ADGRD1: variants seen among roughly 807,000 people sequenced by gnomAD.
ADGRD1 encodes adhesion G protein-coupled receptor D1, also known as G-protein coupled receptor 133.
In ADGRD1, 77 loss-of-function variants were observed where a neutral mutation model predicts 113.4. The ratio of observed to expected loss-of-function variants is 0.68; its 90% CI spans 0.57 to 0.82. The LOEUF is 0.82. Ranked by LOEUF, ADGRD1 falls within the 40% of genes least tolerant of loss-of-function variation. The pLI, the probability that ADGRD1 is intolerant of heterozygous loss-of-function variation, is 0.00. For missense variants in ADGRD1, 1,036 were observed against 1,139.1 expected (o/e 0.91, Z 1.30); for synonymous variants, 474 against 475.0 (o/e 1.00, Z 0.03).
At position 131,057,180 on chromosome 12, in the gene ADGRD1, G is replaced by C. The variant is rs1883939739; in HGVS notation, c.1474-19621G>C. 6.6e-6 allele frequency among the ~76,000 whole-genome samples: 1 copy of C among 152,200 alleles called. No individual in the cohort carries two copies. The highest frequency in any genetic ancestry group is 2.1e-4 in the South Asian group (1 of 4,830). On this transcript the variant is annotated intron_variant, in intron 13 of 24. Coordinates refer to ENST00000261654, the MANE Select transcript of ADGRD1 (RefSeq NM_198827.5). The surrounding 1 kb of genome is among the most constrained non-coding windows in gnomAD (Gnocchi z 4.2). ...AATAATCACAGGCTACCCCCGCTGT[G>C]ATAAACAGGTTTGAAGAACTGCACG...
chr12:131,049,107 C>T (rs1253296691), intron 13 of ADGRD1, among the ~76,000 whole-genome samples: 2 of 152,250 alleles, frequency 1.3e-5, no homozygotes, highest in East Asian at 1.9e-4. Context: ...CACTCTGGAG[C>T]TGGACCCTCA....
chr12:131,105,744 C>T lies in ADGRD1; in HGVS notation c.1776-10C>T, dbSNP rs1474384277. 6.3e-7 allele frequency: 1 copy of T among 1,597,978 alleles called. No homozygotes were observed. Among genetic ancestry groups the T allele is most frequent in the Admixed American group, 1.7e-5 (1 of 59,906 alleles). On this transcript the variant is annotated splice_polypyrimidine_tract_variant and intron_variant, in intron 16 of 24. Coordinates refer to ENST00000261654, the MANE Select transcript of ADGRD1 (RefSeq NM_198827.5). ...AGGGCCCAGGCCTCACACCCTGCCT[C>T]TGTCCTCAGCTCCGTGAGCACCATC...
rs150779994 is a variant in ADGRD1 at position 130,992,362 on chromosome 12, C to G, written c.936C>G (p.Leu312=). 1 of 1,613,878 alleles carries G rather than the reference C, an allele frequency of 6.2e-7. No homozygotes were observed. Among genetic ancestry groups the G allele is most frequent in the Non-Finnish European group, 8.5e-7 (1 of 1,179,862 alleles). Residue 312 remains leucine (L), a synonymous_variant, in exon 8 of 25, where the codon CTC becomes CTG. Coordinates refer to ENST00000261654, the MANE Select transcript of ADGRD1 (RefSeq NM_198827.5). ...CCCTCAGCTTACCCAGTAAGTCCCT[C>G]TCGGAGCAGACAGCCTTGAATCTCA... is the stretch of plus-strand genomic sequence containing the variant. ...NVSLSLPSKS[L]SEQTALNLTK...
intron 4 of ADGRD1, among the ~76,000 whole-genome samples, chr12:130,974,029 G>T (rs1360036563): frequency 1.3e-5 from 2 of 152,240 alleles, no homozygotes; most frequent in Admixed American, 6.5e-5. Context: ...GCAGAGGGTA[G>T]GTGGGGCATT....
intron 20 of ADGRD1, among the ~76,000 whole-genome samples, chr12:131,121,356 A>G (rs1357927618): frequency 6.6e-6 from 1 of 152,212 alleles, no homozygotes; most frequent in Non-Finnish European, 1.5e-5. Flanking sequence ...CAAGTGACAG[A>G]AAACCCAACT....
At chr12:131,042,544 T>A (rs1782484754) in intron 13 of ADGRD1, among the ~76,000 whole-genome samples, 1 of 152,224 alleles carries the variant, frequency 6.6e-6, no homozygotes, top group Non-Finnish European at 1.5e-5. Context: ...CGTCCTCCAC[T>A]TGAAAACCTT....
chr12:131,139,408 T>TCC lies in ADGRD1; in HGVS notation c.*145_*146insCC. On this transcript the variant is annotated 3_prime_UTR_variant, in exon 25 of 25. Coordinates refer to ENST00000261654, the MANE Select transcript of ADGRD1 (RefSeq NM_198827.5). The stretch of plus-strand genomic sequence containing the variant: ...GCCCCGAGACAGCTGTCCTCCCCTG[T>TCC]GACTCTGGCTGTCGGAGCACACTGC... 1 of 630,826 alleles carries TCC rather than the reference T, an allele frequency of 1.6e-6. No individual in the cohort carries two copies. Among genetic ancestry groups the TCC allele is most frequent in the Non-Finnish European group, 2.8e-6 (1 of 352,142 alleles). The allele number at this position is 630,826 out of a possible 1,614,324, so 39.1% of individuals were successfully genotyped here.
chr12:131,002,379 G>C (rs766610884), intron 9 of ADGRD1: 2 of 296,402 alleles, frequency 6.7e-6, no homozygotes, highest in East Asian at 1.7e-4. Flanking sequence ...ATCAGGCTAT[G>C]GGCCTAAAAG....
At chr12:130,991,422 A>T (rs12831523) in intron 7 of ADGRD1, among the ~76,000 whole-genome samples, 13,631 of 152,162 alleles carry the variant, frequency 0.09, 798 homozygotes, top group Middle Eastern at 0.15. Context: ...GAAAAGTTCA[A>T]TTCATATAGA....
chr12:130,956,098 C>T (rs1869546688), intron 2 of ADGRD1, among the ~76,000 whole-genome samples: 1 of 152,212 alleles, frequency 6.6e-6, no homozygotes, highest in African/African-American at 2.4e-5. Flanking sequence ...TGGGAACCAG[C>T]CTTTAATGAT....
rs188170992 is a variant in ADGRD1 at position 131,062,240 on chromosome 12, G to A, written c.1474-14561G>A. On this transcript the variant is annotated intron_variant, in intron 13 of 24. Transcript: ENST00000261654. ...GAACTCCTGACCTTGTGATCCGCTT[G>A]CCTTGGCCTCCCAAAGTGCTGGGAT... 3.9e-4 allele frequency among the ~76,000 whole-genome samples: 60 copies of A among 152,274 alleles called. No homozygotes were observed. In the East Asian group the frequency reaches 7.1e-3, roughly 18 times the overall value.
chr12:131,070,003 G>A (rs1885024583), intron 13 of ADGRD1: 1 of 152,192 alleles, frequency 6.6e-6, no homozygotes, highest in Non-Finnish European at 1.5e-5. Context: ...ACTCATCCAC[G>A]ACGATCCGAT....
At chr12:130,994,338 G>A (rs545062797) in intron 8 of ADGRD1, 156 of 407,684 alleles carry the variant, frequency 3.8e-4, no homozygotes, top group Non-Finnish European at 6.7e-4. Context: ...TGTGGCAGGC[G>A]GTGCCTTCTA....
At position 130,982,584 on chromosome 12, in the gene ADGRD1, G is replaced by A. The variant is rs536267197; in HGVS notation, c.490+521G>A. ...TGGTATAGACTTGAAATTGTTTAAA[G>A]CATGACGAGAAGAAGCTTTTGGAGA... On this transcript the variant is annotated intron_variant, in intron 5 of 24. Transcript: ENST00000261654. 7.9e-5 allele frequency among the ~76,000 whole-genome samples: 12 copies of A among 152,150 alleles called. No homozygotes were observed. The South Asian group carries it at 2.5e-3, about 32-fold the overall frequency.
intron 8 of ADGRD1, chr12:130,994,170 G>C (rs1259507630): frequency 2.5e-6 from 1 of 396,992 alleles, no homozygotes; most frequent in Non-Finnish European, 5.3e-6. Context: ...GACCCGCGGG[G>C]TGTTGGGTGG....
intron 11 of ADGRD1, among the ~76,000 whole-genome samples, chr12:131,004,886 T>C (rs1876889051): frequency 6.6e-6 from 1 of 152,210 alleles, no homozygotes; most frequent in African/African-American, 2.4e-5. Context: ...TTTGCTACAA[T>C]GACCGTCACC....
rs1886329303 is a variant in ADGRD1, at chr12:131,084,697, G to A, written c.1671+34G>A. On this transcript the variant is annotated intron_variant, in intron 15 of 24. Transcript: ENST00000261654. The surrounding 1 kb of genome is among the most constrained non-coding windows in gnomAD (Gnocchi z 4.5). ...CAGGCCTCAGGGGTCGCGGGACCTG[G>A]GGGACGTACCATGAGGCTGCAGGTG... is the stretch of plus-strand genomic sequence containing the variant. 9.3e-6 allele frequency: 15 copies of A among 1,611,090 alleles called. No individual in the cohort carries two copies. The highest frequency in any genetic ancestry group is 1.2e-5 in the Non-Finnish European group (14 of 1,178,890).
chr12:131,050,211 C>T lies in ADGRD1; in HGVS notation c.1474-26590C>T, dbSNP rs1267968184. 2.8e-5 allele frequency among the ~76,000 whole-genome samples: 3 copies of T among 106,022 alleles called. No individual in the cohort carries two copies. Among genetic ancestry groups the T allele is most frequent in the Non-Finnish European group, 4.6e-5 (2 of 43,296 alleles). 69.6% of individuals were successfully genotyped at this position (106,022 alleles called of 152,430 possible). A position where few individuals can be genotyped will look rare whatever the true frequency, so the allele number is the denominator to read the frequency against. ...TCCTGTCTCAAGTTGAAATCACCAT[C>T]GTCATCGTCATCATCATCATCATCA... On this transcript the variant is annotated intron_variant, in intron 13 of 24. Coordinates refer to ENST00000261654, the MANE Select transcript of ADGRD1 (RefSeq NM_198827.5). This position sits in a 1 kb window ranked among gnomAD's most constrained non-coding sequence, Gnocchi z 4.8.
rs552692855 is a variant in ADGRD1 at position 131,084,826 on chromosome 12, C to T, written c.1671+163C>T. 6.6e-6 allele frequency among the ~76,000 whole-genome samples: 1 copy of T among 152,332 alleles called. No individual in the cohort carries two copies. Among genetic ancestry groups the T allele is most frequent in the East Asian group, 1.9e-4 (1 of 5,180 alleles). On this transcript the variant is annotated intron_variant, in intron 15 of 24. Transcript: ENST00000261654. The surrounding 1 kb of genome is among the most constrained non-coding windows in gnomAD (Gnocchi z 4.5). Reference sequence around the variant, plus strand: ...AATCCATTCTCTTGGCTTCTGTAGTCCAGGGTCCTGCATGTATTGGGTGCC... The same window carrying T: ...AATCCATTCTCTTGGCTTCTGTAGTTCAGGGTCCTGCATGTATTGGGTGCC...
Sources: allele counts gnomAD v4.1 joint callset (sites outside exome capture counted in the v4.1 genomes callset), GRCh38; gene constraint gnomAD v4.1.1; non-coding constraint Gnocchi (gnomAD v3.1); transcripts MANE v1.5; gene names NCBI Gene and HGNC (gene_info 2026-07-23, HGNC 2026-07-21).